The following HCFC1 variants were observed in gnomAD, a reference collection of about 807,000 sequenced individuals.
HCFC1 encodes host cell factor 1.
A neutral mutation model predicts 105.5 loss-of-function variants in HCFC1; 7 were observed. The ratio of observed to expected loss-of-function variants is 0.07; its 90% CI spans 0.04 to 0.12. The LOEUF is 0.12. Among genes scored for constraint, HCFC1 ranks in the 10% least tolerant of loss-of-function variants. The pLI, the probability that HCFC1 is intolerant of heterozygous loss-of-function variation, is 1.00. For synonymous variants in HCFC1, 918 were observed against 828.1 expected (o/e 1.11, Z -1.86); for missense variants, 1,065 against 1,823.6 (o/e 0.58, Z 7.58).
chrX:153,971,052 C>G lies in HCFC1; in HGVS notation c.-212G>C, dbSNP rs2065528114. The G allele has an allele frequency of 5.3e-6, 2 of 378,077 alleles. No homozygotes were observed. Among genetic ancestry groups the G allele is most frequent in the Non-Finnish European group, 9.0e-6 (2 of 222,982 alleles). 31.2% of individuals were successfully genotyped at this position (378,077 alleles called of 1,213,427 possible). A position where few individuals can be genotyped will look rare whatever the true frequency, so the allele number is the denominator to read the frequency against. On this transcript the variant is annotated 5_prime_UTR_variant, in exon 1 of 26. Transcript: ENST00000310441. ...TCGCTCACCCCGTCTCCGCAAGAGCCGCCCGAAACTGTCGAGCGCCTAGGC... is the reference window on the plus strand; with the variant it reads ...TCGCTCACCCCGTCTCCGCAAGAGCGGCCCGAAACTGTCGAGCGCCTAGGC...
rs2065319243 is a variant in HCFC1, at chrX:153,952,151, G to A, written c.4950C>T (p.Gly1650=). The A allele has an allele frequency of 1.6e-5, 18 of 1,110,659 alleles. No individual in the cohort carries two copies. The highest frequency in any genetic ancestry group is 4.5e-5 in the South Asian group (2 of 44,799). 91.5% of individuals were successfully genotyped at this position (1,110,659 alleles called of 1,213,427 possible). The change falls in exon 20 of 26, where the codon GGC becomes GGT. Residue 1650 remains glycine, a synonymous_variant. Transcript: ENST00000310441. ...QAAQQAVMGT[G]EPMDTSEAAA... ...CTGCCTCGGAGGTGTCCATGGGCTC[G>A]CCGGTGCCTGCTCCAGGGTCGAGAG... is the stretch of plus-strand genomic sequence containing the variant.
At position 153,959,332 on chromosome X, in the gene HCFC1, G is replaced by A. The variant is rs978387798; in HGVS notation, c.1604C>T (p.Thr535Met). Reference protein sequence around the residue: ...MVVPTQSAQGTVIGSSPQMSG... With the variant: ...MVVPTQSAQGMVIGSSPQMSG... Reference sequence around the variant, plus strand: ...CCCGCCCCAGTGACCACTCCTCACCGTTCCCTGGGCACTCTGTGTTGGCAC... The same window carrying A: ...CCCGCCCCAGTGACCACTCCTCACCATTCCCTGGGCACTCTGTGTTGGCAC... The change falls in exon 9 of 26, where the codon ACG (threonine) becomes ATG (methionine). Residue 535 changes from threonine (T) to methionine (M), a missense_variant and splice_region_variant. Transcript: ENST00000310441. 8.3e-7 allele frequency: 1 copy of A among 1,201,206 alleles called. No individual in the cohort carries two copies. Among genetic ancestry groups the A allele is most frequent in the Non-Finnish European group, 1.1e-6 (1 of 891,600 alleles).
Position 153,954,644 on chromosome X carries a change from G to C in HCFC1, c.3755C>G (p.Pro1252Arg), listed in dbSNP as rs1557113972. ...MTRSSVGAGE[P>R]RMAPVCESLQ... Reference sequence around the variant, plus strand: ...GCTCTCGCACACAGGTGCCATGCGGGGCTCCCCAGCACCCACGCTGGAACG... The same window carrying C: ...GCTCTCGCACACAGGTGCCATGCGGCGCTCCCCAGCACCCACGCTGGAACG... The change falls in exon 17 of 26, where the codon CCC (proline) becomes CGC (arginine). Residue 1252 changes from proline to arginine, a missense_variant. Around this residue, in one of 17 missense-constraint regions of HCFC1, gnomAD observed 546 missense variants for 599.9 expected, o/e 0.91. Coordinates refer to ENST00000310441, the MANE Select transcript of HCFC1 (RefSeq NM_005334.3). 4.1e-6 allele frequency: 5 copies of C among 1,207,297 alleles called. No individual in the cohort carries two copies. Among genetic ancestry groups the C allele is most frequent in the Middle Eastern group, 2.3e-4 (1 of 4,315 alleles).
In HCFC1 at chrX:153,964,729, G is replaced by A. The variant is rs901131232; in HGVS notation, c.194-3C>T. On this transcript the variant is annotated splice_polypyrimidine_tract_variant and splice_region_variant and intron_variant, in intron 1 of 25. Transcript: ENST00000310441. ...TGGGATGAACCACTGGTTGGTTGCT[G>A]GGGAACAGAAGGAGGCAGAAGTCAG... 2 of 1,167,294 alleles carry A rather than the reference G, an allele frequency of 1.7e-6. No homozygotes were observed. The highest frequency in any genetic ancestry group is 2.3e-6 in the Non-Finnish European group (2 of 870,969).
chrX:153,956,616 G>C lies in HCFC1; in HGVS notation c.2635+9C>G, dbSNP rs1557115056. 3.3e-6 allele frequency: 4 copies of C among 1,211,491 alleles called. No homozygotes were observed. The highest frequency in any genetic ancestry group is 4.3e-5 in the Admixed American group (2 of 46,136). ...GGGGTGGCAGGGGACCTGGCCTATG[G>C]GTACACACCTGTGGTGCCTTTCACA... On this transcript the variant is annotated intron_variant, in intron 15 of 25. Coordinates refer to ENST00000310441, the MANE Select transcript of HCFC1 (RefSeq NM_005334.3).
chrX:153,963,641 G>A (rs2065449379), intron 3 of HCFC1, among the ~76,000 whole-genome samples: 1 of 112,146 alleles, frequency 8.9e-6, no homozygotes, highest in Admixed American at 9.4e-5. Flanking sequence ...CAGGGTGGGT[G>A]AGGCTGCACA....
rs1557112542 is a variant in HCFC1, at chrX:153,951,677, G to C, written c.5291C>G (p.Pro1764Arg). The change falls in exon 21 of 26, where the codon CCC becomes CGC. Residue 1764 changes from proline to arginine, a missense_variant. Transcript: ENST00000310441. ...TGGGCTGGCCACCACAACCGGCTGG[G>C]GGGCCACAAATGTGTTGGATGGAGC... ...SLAPSNTFVAPQPVVVASPAK... is the reference protein window; with the variant it reads ...SLAPSNTFVARQPVVVASPAK... The C allele has an allele frequency of 8.3e-7, 1 of 1,210,524 alleles. No individual in the cohort carries two copies. Among genetic ancestry groups the C allele is most frequent in the Admixed American group, 2.2e-5 (1 of 46,002 alleles).
Position 153,949,236 on chromosome X carries a change from C to T in HCFC1, c.*111G>A. The T allele has an allele frequency of 1.9e-6, 1 of 534,402 alleles. No homozygotes were observed. The highest frequency in any genetic ancestry group is 3.2e-6 in the Non-Finnish European group (1 of 316,333). 44.0% of individuals were successfully genotyped at this position (534,402 alleles called of 1,213,427 possible). A position where few individuals can be genotyped will look rare whatever the true frequency, so the allele number is the denominator to read the frequency against. ...GAAAGGGGAGAGGAGTGAACAGCGG[C>T]TCGCGAGGGTGAAGTGCGAATGCTG... On this transcript the variant is annotated 3_prime_UTR_variant, in exon 26 of 26. Coordinates refer to ENST00000310441, the MANE Select transcript of HCFC1 (RefSeq NM_005334.3).
Position 153,956,722 on chromosome X carries a change from G to C in HCFC1, c.2538C>G (p.Leu846=). 1.7e-6 allele frequency: 2 copies of C among 1,211,577 alleles called. No individual in the cohort carries two copies. The highest frequency in any genetic ancestry group is 2.2e-6 in the Non-Finnish European group (2 of 895,438). The change falls in exon 15 of 26, where the codon CTC becomes CTG. Residue 846 remains leucine (L), a synonymous_variant. Coordinates refer to ENST00000310441, the MANE Select transcript of HCFC1 (RefSeq NM_005334.3). ...GAACACCCCCCATGGGCACAGTGCG[G>C]AGGATGGTGCCTGGCTGTCCCGGGG... is the stretch of plus-strand genomic sequence containing the variant. ...KGAPGQPGTI[L]RTVPMGGVRL... is the part of the protein sequence containing the mutation.
intron 1 of HCFC1, among the ~76,000 whole-genome samples, chrX:153,965,353 G>A (rs781878100): frequency 3.8e-4 from 42 of 111,612 alleles, no homozygotes; most frequent in African/African-American, 1.3e-3. Flanking sequence ...AGCTGTGACA[G>A]AAGCTTCTCA....
At chrX:153,968,435 C>A (rs782109143) in intron 1 of HCFC1, among the ~76,000 whole-genome samples, 3 of 111,928 alleles carry the variant, frequency 2.7e-5, no homozygotes, top group Non-Finnish European at 5.6e-5. Flanking sequence ...ACAAAGGTGA[C>A]GAGGCCGGGC....
In HCFC1 at chrX:153,948,776, A is replaced by G. The variant is rs1176290827; in HGVS notation, c.*571T>C. On this transcript the variant is annotated 3_prime_UTR_variant, in exon 26 of 26. Coordinates refer to ENST00000310441, the MANE Select transcript of HCFC1 (RefSeq NM_005334.3). ...AAATGGGAAAGAAGAGGGGGAGGGT[A>G]GAAGAGGTGGGAGCACAAAGGCCTC... The G allele has an allele frequency of 2.7e-5, 3 of 112,081 alleles. No homozygotes were observed. The highest frequency in any genetic ancestry group is 5.7e-5 in the Non-Finnish European group (3 of 53,077). 9.2% of individuals were successfully genotyped at this position (112,081 alleles called of 1,213,427 possible).
At chrX:153,963,519 C>G (rs1557117561) in intron 3 of HCFC1, 86 bp from the exon 4 acceptor site, 8 of 632,198 alleles carry the variant, frequency 1.3e-5, no homozygotes, top group Admixed American at 2.7e-5. Context: ...GGCAGCCTCC[C>G]CAGAACACAA....
intron 16 of HCFC1, among the ~76,000 whole-genome samples, 187 bp downstream of exon 16, chrX:153,955,990 TGACAGCCAAACCAC>T (rs2065372341): frequency 8.9e-6 from 1 of 112,991 alleles, no homozygotes; most frequent in South Asian, 3.6e-4. Context: ...GGCCAAACCA[TGACAGCCAAACCAC>T]GGACTATGAC....
chrX:153,947,939 C>T lies in HCFC1; in HGVS notation c.*1408G>A, dbSNP rs1557111374. The T allele has an allele frequency of 9.0e-6, 1 of 111,596 alleles. No homozygotes were observed. The highest frequency in any genetic ancestry group is 1.9e-5 in the Non-Finnish European group (1 of 53,027). The allele number at this position is 111,596 out of a possible 1,213,427, so 9.2% of individuals were successfully genotyped here. A position where few individuals can be genotyped will look rare whatever the true frequency, so the allele number is the denominator to read the frequency against. ...GTTTGGGGTGGGGGGCAGAAAACTCCAAGCAGATCCCCCAGCCTCGGAGCC... is the reference window on the plus strand; with the variant it reads ...GTTTGGGGTGGGGGGCAGAAAACTCTAAGCAGATCCCCCAGCCTCGGAGCC... On this transcript the variant is annotated 3_prime_UTR_variant, in exon 26 of 26. Transcript: ENST00000310441.
chrX:153,952,474 C>A, intron 19 of HCFC1, 40 bp downstream of exon 19: 1 of 1,114,396 alleles, frequency 9.0e-7, no homozygotes, highest in South Asian at 2.1e-5. Flanking sequence ...TATTGCTCCC[C>A]CGAGCGGCCC....
In HCFC1 at chrX:153,971,540, T is replaced by C. The variant is rs1353687301; in HGVS notation, c.-700A>G. On this transcript the variant is annotated 5_prime_UTR_variant, in exon 1 of 26. Coordinates refer to ENST00000310441, the MANE Select transcript of HCFC1 (RefSeq NM_005334.3). ...CTTGTGAAGTCTCGCGCCTCTCCCC[T>C]TAGTCCGCCTCTGCTGCTCAGGCTG... is the stretch of plus-strand genomic sequence containing the variant. 3 of 293,075 alleles carry C rather than the reference T, an allele frequency of 1.0e-5. No homozygotes were observed. The highest frequency in any genetic ancestry group is 1.8e-5 in the Non-Finnish European group (3 of 168,020). The allele number at this position is 293,075 out of a possible 1,213,427, so 24.2% of individuals were successfully genotyped here. A position where few individuals can be genotyped will look rare whatever the true frequency, so the allele number is the denominator to read the frequency against.
intron 16 of HCFC1, 94 bp downstream of exon 16, chrX:153,956,096 AG>A (rs1415112946): frequency 2.4e-6 from 2 of 829,809 alleles, no homozygotes; most frequent in East Asian, 6.4e-5. Flanking sequence ...GCGCAACACC[AG>A]GAAGGAAAGG....
chrX:153,954,796 G>T lies in HCFC1; in HGVS notation c.3603C>A (p.Pro1201=), dbSNP rs782167598. 5.2e-6 allele frequency: 6 copies of T among 1,162,707 alleles called. No homozygotes were observed. Among genetic ancestry groups the T allele is most frequent in the Admixed American group, 2.6e-5 (1 of 38,668 alleles). The part of the protein sequence containing the change: ...PLLGPSMARE[P]GGRSPAFVQL... ...GCACAAAAGCAGGGCTGCGGCCCCC[G>T]GGCTCCCGTGCCATGCTCGGCCCAA... Residue 1201 remains proline, a synonymous_variant, in exon 17 of 26, where the codon CCC becomes CCA. Transcript: ENST00000310441.
Sources: gnomAD v4.1 joint callset for allele counts (sites outside exome capture counted in the v4.1 genomes callset) on GRCh38, gnomAD v4.1.1 for gene constraint, gnomAD v4.1.1 regional missense constraint, MANE v1.5 for transcripts, NCBI Gene and HGNC (gene_info 2026-07-23, HGNC 2026-07-21) for gene names.